The following CFAP44 variants were observed in gnomAD, a reference collection of about 807,000 sequenced individuals.
CFAP44 encodes cilia- and flagella-associated protein 44.
In CFAP44, 134 loss-of-function variants were observed where a neutral mutation model predicts 216.2. The observed-to-expected ratio is 0.62, with a 90% CI of 0.54 to 0.72. CFAP44 has a LOEUF of 0.72. CFAP44 is among the 30% of genes least tolerant of loss of function. The pLI, the probability that CFAP44 is intolerant of heterozygous loss-of-function variation, is 0.00. For missense variants in CFAP44, 2,035 were observed against 2,182.1 expected (o/e 0.93, Z 1.34); for synonymous variants, 700 against 727.6 (o/e 0.96, Z 0.61).
chr3:113,427,387 C>T, intron 2 of CFAP44, 48 bp from the exon 3 acceptor site: 1 of 1,450,410 alleles, frequency 6.9e-7, no homozygotes, highest in Non-Finnish European at 9.4e-7. Flanking sequence ...TAAACATTTT[C>T]TTATTTCTAA....
intron 22 of CFAP44, among the ~76,000 whole-genome samples, chr3:113,347,160 C>T (rs1407657294): frequency 6.6e-6 from 1 of 152,178 alleles, no homozygotes; most frequent in African/African-American, 2.4e-5. Context: ...GCGTGGCCGC[C>T]GGACTAAAGA....
At chr3:113,403,530 T>C (rs917918308) in intron 9 of CFAP44, among the ~76,000 whole-genome samples, 2 of 152,238 alleles carry the variant, frequency 1.3e-5, no homozygotes, top group African/African-American at 4.8e-5. Context: ...GGCCCATTCA[T>C]ATGGAGCCTT....
At chr3:113,313,060 A>T (rs1950054727) in intron 28 of CFAP44, among the ~76,000 whole-genome samples, 1 of 152,082 alleles carries the variant, frequency 6.6e-6, no homozygotes, top group South Asian at 2.1e-4. Context: ...AGAATGGTAG[A>T]TCCACCAACA....
At chr3:113,419,917 G>T in intron 5 of CFAP44, 100 bp downstream of exon 5, 1 of 1,249,528 alleles carries the variant, frequency 8.0e-7, no homozygotes, top group Non-Finnish European at 1.1e-6. Context: ...CCACAATACT[G>T]TGCATGGTGT....
At chr3:113,302,100 G>C (rs1403215406) in intron 32 of CFAP44, among the ~76,000 whole-genome samples, 1 of 152,042 alleles carries the variant, frequency 6.6e-6, no homozygotes, top group East Asian at 1.9e-4. Flanking sequence ...ACATAATAGG[G>C]TTTCCTTCTT....
intron 1 of CFAP44, among the ~76,000 whole-genome samples, chr3:113,440,613 C>T (rs1935338810): frequency 6.6e-6 from 1 of 152,104 alleles, no homozygotes. Context: ...ATTACTGTAC[C>T]GTCATACTTT....
chr3:113,330,070 T>A, intron 26 of CFAP44, 98 bp downstream of exon 26: 2 of 1,398,872 alleles, frequency 1.4e-6, no homozygotes, highest in Non-Finnish European at 1.9e-6. Context: ...GAAAGGTTCA[T>A]GCAGAGAAAT....
intron 13 of CFAP44, among the ~76,000 whole-genome samples, chr3:113,398,453 T>C (rs932358516): frequency 2.6e-5 from 4 of 152,212 alleles, no homozygotes; most frequent in African/African-American, 9.7e-5. Context: ...TTAAAATCCA[T>C]ATGATCATTA....
chr3:113,401,769 C>T (rs769566832), intron 9 of CFAP44, 30 bp from the exon 10 acceptor site: 31 of 1,559,246 alleles, frequency 2.0e-5, no homozygotes, highest in Middle Eastern at 1.9e-4. Flanking sequence ...ATACTTTAAT[C>T]GATCAGTAGT....
At position 113,409,312 on chromosome 3, in the gene CFAP44, C is replaced by G. The variant is rs751434000; in HGVS notation, c.684G>C (p.Glu228Asp). The G allele has an allele frequency of 6.2e-7, 1 of 1,613,972 alleles. No homozygotes were observed. The highest frequency in any genetic ancestry group is 1.1e-5 in the South Asian group (1 of 91,074). ...RPYRVLRDGT[E>D]KGYAYVDFNY... Reference sequence around the variant, plus strand: ...TAAAGTCCACATAAGCATATCCCTTCTCAGTCCCATCTGGAAGGATAAATG... The same window carrying G: ...TAAAGTCCACATAAGCATATCCCTTGTCAGTCCCATCTGGAAGGATAAATG... Residue 228 changes from glutamate (E) to aspartate (D), a missense_variant, in exon 7 of 35, where the codon GAG becomes GAC. Coordinates refer to ENST00000393845, the MANE Select transcript of CFAP44 (RefSeq NM_001164496.2).
chr3:113,327,795 C>T lies in CFAP44; in HGVS notation c.4141G>A (p.Asp1381Asn), dbSNP rs1169094537. The T allele has an allele frequency of 2.7e-5, 42 of 1,536,504 alleles. No homozygotes were observed. Among genetic ancestry groups the T allele is most frequent in the East Asian group, 7.3e-5 (3 of 40,890 alleles). ...TGTCTAAGGAGACGGAGTTCTGCAT[C>T]GAAAGTGACAACCAGTTCTTTGATC... ...NRIKELVVTF[D>N]AELRLLRHQK... The change falls in exon 27 of 35, where the codon GAT becomes AAT. Residue 1381 changes from aspartate (D) to asparagine (N), a missense_variant. Coordinates refer to ENST00000393845, the MANE Select transcript of CFAP44 (RefSeq NM_001164496.2).
At chr3:113,302,458 A>T (rs1039736754) in intron 32 of CFAP44, among the ~76,000 whole-genome samples, 6 of 76,718 alleles carry the variant, frequency 7.8e-5, no homozygotes, top group African/African-American at 5.6e-4. Flanking sequence ...TAGACAAAGT[A>T]AAAAAAAAAA....
chr3:113,426,482 A>G (rs1169669640), intron 3 of CFAP44, among the ~76,000 whole-genome samples: 1 of 152,062 alleles, frequency 6.6e-6, no homozygotes, highest in African/African-American at 2.4e-5. Flanking sequence ...TATAAGGGAC[A>G]TTTCCCTCCT....
intron 15 of CFAP44, among the ~76,000 whole-genome samples, chr3:113,394,762 G>T (rs1289790731): frequency 6.6e-6 from 1 of 152,114 alleles, no homozygotes; most frequent in African/African-American, 2.4e-5. Flanking sequence ...AAAGTTTTAA[G>T]AAAGTTTATG....
At chr3:113,341,272 A>G (rs1950330786) in intron 24 of CFAP44, among the ~76,000 whole-genome samples, 1 of 152,078 alleles carries the variant, frequency 6.6e-6, no homozygotes, top group South Asian at 2.1e-4. Flanking sequence ...GCTACCCAGC[A>G]CTTCCCTTCC....
intron 13 of CFAP44, among the ~76,000 whole-genome samples, chr3:113,397,006 A>C (rs1232764463): frequency 6.6e-6 from 1 of 152,262 alleles, no homozygotes; most frequent in Non-Finnish European, 1.5e-5. Flanking sequence ...TCAGTGGTGA[A>C]TATAAACCAA....
At chr3:113,297,109 T>C (rs712530) in intron 32 of CFAP44, among the ~76,000 whole-genome samples, 95,566 of 151,996 alleles carry the variant, frequency 0.63, 33,281 homozygotes, top group South Asian at 0.78. Flanking sequence ...ACTGACTCAA[T>C]GTTCCCAACT....
chr3:113,374,339 C>G (rs1933265929), intron 17 of CFAP44, among the ~76,000 whole-genome samples: 1 of 151,552 alleles, frequency 6.6e-6, no homozygotes, highest in South Asian at 2.1e-4. Flanking sequence ...CACTGCTTTA[C>G]TCCCTGGAGC....
At chr3:113,303,656 T>TA (rs1949959264) in intron 32 of CFAP44, among the ~76,000 whole-genome samples, 3 of 152,188 alleles carry the variant, frequency 2.0e-5, no homozygotes, top group African/African-American at 4.8e-5. Context: ...CTTGGGTTAT[T>TA]ATTGTATTAT....
Sources: gnomAD v4.1 joint callset for allele counts (sites outside exome capture counted in the v4.1 genomes callset) on GRCh38, gnomAD v4.1.1 for gene constraint, MANE v1.5 for transcripts, NCBI Gene and HGNC (gene_info 2026-07-23, HGNC 2026-07-21) for gene names.